The following GAREM1 variants were observed in gnomAD, a reference collection of about 807,000 sequenced individuals.
GAREM1 encodes the protein GRB2-associated and regulator of MAPK protein 1.
Under a neutral mutation model 71.3 loss-of-function variants are expected in GAREM1, and 26 were observed. That is an observed-to-expected ratio of 0.36 (90% CI 0.27 to 0.51). The LOEUF (loss-of-function observed/expected upper bound fraction) is 0.51, where lower values mean the gene tolerates loss of function less well. Ranked by LOEUF, GAREM1 falls within the 20% of genes least tolerant of loss-of-function variation. GAREM1 has a pLI of 0.95. For missense variants in GAREM1, 1,026 were observed against 1,103.1 expected (o/e 0.93, Z 0.99); for synonymous variants, 440 against 433.2 (o/e 1.02, Z -0.20).
intron 1 of GAREM1, among the ~76,000 whole-genome samples, chr18:32,460,319 G>A (rs1391562892): frequency 6.6e-6 from 1 of 152,120 alleles, no homozygotes; most frequent in Non-Finnish European, 1.5e-5. Context: ...TAACTAAAGT[G>A]TCTTCATAAC....
chr18:32,435,610 G>A (rs2144265014), intron 1 of GAREM1, among the ~76,000 whole-genome samples: 1 of 152,230 alleles, frequency 6.6e-6, no homozygotes, highest in Admixed American at 6.5e-5. Context: ...CAGTAGAGGT[G>A]TAACAATAAC....
intron 2 of GAREM1, among the ~76,000 whole-genome samples, chr18:32,342,888 C>T (rs2047660603): frequency 6.6e-6 from 1 of 152,120 alleles, no homozygotes; most frequent in Non-Finnish European, 1.5e-5. Context: ...TTCCTTTGCC[C>T]CATCTATGTA....
rs1157200391 is a variant in GAREM1, at chr18:32,364,028, G to GTTTTTTTTTTTTT, written c.262+28854_262+28866dup. On this transcript the variant is annotated intron_variant, in intron 2 of 5. Coordinates refer to ENST00000269209, the MANE Select transcript of GAREM1 (RefSeq NM_001242409.2). ...TATATATATATATATATATATATATGTTTTTTTTTTTTTTTTTTTTTTGTG... is the reference window on the plus strand; with the variant it reads ...TATATATATATATATATATATATATGTTTTTTTTTTTTTTTTTTTTTTTTTTTTTTTTTTTGTG... 6.9e-4 allele frequency among the ~76,000 whole-genome samples: 15 copies of GTTTTTTTTTTTTT among 21,668 alleles called. 2 individuals are homozygous for GTTTTTTTTTTTTT. Among genetic ancestry groups the GTTTTTTTTTTTTT allele is most frequent in the African/African-American group, 2.5e-3 (14 of 5,610 alleles). 14.2% of individuals were successfully genotyped at this position (21,668 alleles called of 152,430 possible). A position where few individuals can be genotyped will look rare whatever the true frequency, so the allele number is the denominator to read the frequency against.
At chr18:32,417,262 T>C (rs1001421778) in intron 1 of GAREM1, among the ~76,000 whole-genome samples, 6 of 152,210 alleles carry the variant, frequency 3.9e-5, no homozygotes, top group African/African-American at 1.4e-4. Context: ...CCTCATACAC[T>C]GTTGGTAGTA....
intron 2 of GAREM1, among the ~76,000 whole-genome samples, chr18:32,358,693 C>T (rs1286239252): frequency 2.0e-5 from 3 of 152,134 alleles, no homozygotes; most frequent in Admixed American, 1.3e-4. Flanking sequence ...CAAATTCCCT[C>T]GTGAGGGAAT....
At chr18:32,270,572 C>A (rs1038520574) in intron 4 of GAREM1, among the ~76,000 whole-genome samples, 189 bp from the exon 5 acceptor site, 11 of 152,152 alleles carry the variant, frequency 7.2e-5, no homozygotes, top group Non-Finnish European at 1.2e-4. Flanking sequence ...AAATCAGGCG[C>A]CTGTCACACA....
At chr18:32,294,115 C>A (rs1399625441) in intron 3 of GAREM1, among the ~76,000 whole-genome samples, 1 of 152,098 alleles carries the variant, frequency 6.6e-6, no homozygotes, top group African/African-American at 2.4e-5. Flanking sequence ...AAATTGGAAT[C>A]AGGACTATAA....
At chr18:32,456,962 CAG>C (rs2048895990) in intron 1 of GAREM1, among the ~76,000 whole-genome samples, 1 of 151,896 alleles carries the variant, frequency 6.6e-6, no homozygotes, top group South Asian at 2.1e-4. Context: ...GGAACAATGA[CAG>C]AATTCTGCAT....
rs2048312564 is a variant in GAREM1, at chr18:32,401,223, G to A, written c.122-8188C>T. 3.3e-5 allele frequency among the ~76,000 whole-genome samples: 5 copies of A among 152,192 alleles called. No homozygotes were observed. In the South Asian group the frequency reaches 1.0e-3, roughly 32 times the overall value. ...GATAGCATTAGGAGATACACCTAAT[G>A]TAAATGACGAGTTAATGGGTGCAGC... On this transcript the variant is annotated intron_variant, in intron 1 of 5. Coordinates refer to ENST00000269209, the MANE Select transcript of GAREM1 (RefSeq NM_001242409.2).
intron 3 of GAREM1, among the ~76,000 whole-genome samples, chr18:32,302,132 G>A (rs2144502232): frequency 6.6e-6 from 1 of 152,292 alleles, no homozygotes; most frequent in Non-Finnish European, 1.5e-5. Flanking sequence ...TCCATAAATA[G>A]AGTGTGATGG....
chr18:32,432,768 C>T (rs2048636444), intron 1 of GAREM1, among the ~76,000 whole-genome samples: 1 of 152,104 alleles, frequency 6.6e-6, no homozygotes, highest in Non-Finnish European at 1.5e-5. Flanking sequence ...TGAATAGTCT[C>T]CTATTAATGA....
In GAREM1 at chr18:32,286,783, A is replaced by C. The variant is rs77481798; in HGVS notation, c.1566+248T>G. Among the ~76,000 whole-genome samples, 292 of 152,272 alleles carry C rather than the reference A, an allele frequency of 1.9e-3. 9 individuals are homozygous for C. The East Asian group carries it at 0.045, about 24-fold the overall frequency. ...CCTCCCTATTATCCATTCTCCGGGC[A>C]GCAGCAAAAGTCATGTTTAAAACTC... is the stretch of plus-strand genomic sequence containing the variant. On this transcript the variant is annotated intron_variant, in intron 4 of 5. Coordinates refer to ENST00000269209, the MANE Select transcript of GAREM1 (RefSeq NM_001242409.2).
At chr18:32,426,969 T>C (rs1430319409) in intron 1 of GAREM1, among the ~76,000 whole-genome samples, 1 of 152,228 alleles carries the variant, frequency 6.6e-6, no homozygotes, top group African/African-American at 2.4e-5. Flanking sequence ...TATATTTTCA[T>C]GCACTTTTAC....
rs2048018728 is a variant in GAREM1, at chr18:32,374,964, CA to C, written c.262+17930del. On this transcript the variant is annotated intron_variant, in intron 2 of 5. Coordinates refer to ENST00000269209, the MANE Select transcript of GAREM1 (RefSeq NM_001242409.2). The stretch of plus-strand genomic sequence containing the variant: ...TTCAACAGGCTTAGAGATCAGATAC[CA>C]TTTATTTCAAGCACAAAAGACATCT... 3.3e-5 allele frequency among the ~76,000 whole-genome samples: 5 copies of C among 152,040 alleles called. No individual in the cohort carries two copies. The South Asian group carries it at 1.0e-3, about 32-fold the overall frequency.
chr18:32,289,690 T>C (rs2047060706), intron 3 of GAREM1, among the ~76,000 whole-genome samples: 1 of 152,180 alleles, frequency 6.6e-6, no homozygotes. Flanking sequence ...CTATACCCAC[T>C]AGGGGGCAAT....
At chr18:32,331,208 G>A (rs1170047610) in intron 2 of GAREM1, among the ~76,000 whole-genome samples, 3 of 152,062 alleles carry the variant, frequency 2.0e-5, no homozygotes, top group Admixed American at 6.6e-5. Flanking sequence ...ACAAAAAATG[G>A]GTTTGGAGTT....
At chr18:32,294,719 G>A (rs570359250) in intron 3 of GAREM1, among the ~76,000 whole-genome samples, 1 of 152,148 alleles carries the variant, frequency 6.6e-6, no homozygotes, top group East Asian at 1.9e-4. Context: ...CATGTCCAGT[G>A]TCTTACTGTA....
chr18:32,356,793 A>G (rs561898447), intron 2 of GAREM1, among the ~76,000 whole-genome samples: 2 of 152,186 alleles, frequency 1.3e-5, no homozygotes, highest in Non-Finnish European at 2.9e-5. Context: ...ACAAATCCAA[A>G]AACCTTCAGT....
intron 1 of GAREM1, among the ~76,000 whole-genome samples, chr18:32,455,817 T>C (rs937336790): frequency 3.9e-5 from 6 of 152,196 alleles, no homozygotes; most frequent in South Asian, 4.1e-4. Flanking sequence ...ATTAACTTTA[T>C]GTGTTCTTGG....
Sources: gnomAD v4.1 joint callset for allele counts (sites outside exome capture counted in the v4.1 genomes callset) on GRCh38, gnomAD v4.1.1 for gene constraint, MANE v1.5 for transcripts, NCBI Gene and HGNC (gene_info 2026-07-23, HGNC 2026-07-21) for gene names.